Variants in ZNF425 observed in about 807,000 individuals in gnomAD.
The protein encoded by ZNF425 is zinc finger protein 425.
Under a neutral mutation model 17.0 loss-of-function variants are expected in ZNF425, and 21 were observed. The observed-to-expected ratio is 1.23, with a 90% confidence interval of 0.88 to 1.78. The LOEUF is 1.78. Among genes scored for constraint, ZNF425 ranks in the 40% most tolerant of loss-of-function variants. The pLI, the probability that ZNF425 is intolerant of heterozygous loss-of-function variation, is 0.00. For missense variants in ZNF425, 868 were observed against 967.3 expected (o/e 0.90, Z 1.36); for synonymous variants, 433 against 384.1 (o/e 1.13, Z -1.49).
intron 1 of ZNF425, chr7:149,125,860 G>A: frequency 2.1e-6 from 1 of 481,066 alleles, no homozygotes; most frequent in Non-Finnish European, 3.8e-6. Context: ...CCACACAGAT[G>A]CAGAACTCAG....
At chr7:149,117,607 TAAA>T (rs76945741) in intron 2 of ZNF425, among the ~76,000 whole-genome samples, 117,340 of 140,458 alleles carry the variant, frequency 0.84, 49,204 homozygotes, top group East Asian at 1. Flanking sequence ...ACACTTCTTT[TAAA>T]AAAAAAGGGG....
chr7:149,117,950 C>T (rs1826293599), intron 2 of ZNF425, among the ~76,000 whole-genome samples: 1 of 151,996 alleles, frequency 6.6e-6, no homozygotes, highest in African/African-American at 2.4e-5. Context: ...CCGCGCCTGG[C>T]CAGATTACTT....
At position 149,105,333 on chromosome 7, in the gene ZNF425, G is replaced by A. The variant is rs369268957; in HGVS notation, c.538C>T (p.Arg180Cys). Residue 180 changes from arginine (R) to cysteine (C), a missense_variant, in exon 4 of 4, where the codon CGC (arginine) becomes TGC (cysteine). Arg to Cys is a radical substitution (Grantham distance 180, BLOSUM62 -3). Transcript: ENST00000378061. ...LRHKPRETPG[R>C]LEIPTGPRCY... ...CTTGGCCCTGTGGGAATTTCTAAGC[G>A]CCCTGGGGTCTCCCGAGGCTTATGC... 3.1e-6 allele frequency: 5 copies of A among 1,613,928 alleles called. No individual in the cohort carries two copies. Among genetic ancestry groups the A allele is most frequent in the Non-Finnish European group, 4.2e-6 (5 of 1,179,994 alleles).
rs779872274 is a variant in ZNF425, at chr7:149,104,248, G to A, written c.1623C>T (p.Leu541=). Residue 541 remains leucine (L), a synonymous_variant, in exon 4 of 4, where the codon CTC becomes CTT. Transcript: ENST00000378061. This position sits in a 1 kb window ranked among gnomAD's most constrained non-coding sequence, Gnocchi z 4.3. ...CGRSFRRRAH[L]TEHTRLHSGE... ...CACTGTGAAGCCTCGTGTGCTCTGT[G>A]AGATGCGCGCGTCGGCGGAAACTGC... 1 of 1,613,670 alleles carries A rather than the reference G, an allele frequency of 6.2e-7. No homozygotes were observed. Among genetic ancestry groups the A allele is most frequent in the Non-Finnish European group, 8.5e-7 (1 of 1,179,864 alleles).
At chr7:149,111,080 C>T (rs576713615) in intron 3 of ZNF425, among the ~76,000 whole-genome samples, 1 of 152,104 alleles carries the variant, frequency 6.6e-6, no homozygotes, top group Non-Finnish European at 1.5e-5. Flanking sequence ...CAGGCATGAG[C>T]CATCACGCCC....
rs749434833 is a variant in ZNF425, at chr7:149,104,483, A to G, written c.1388T>C (p.Leu463Pro). 8 of 1,597,910 alleles carry G rather than the reference A, an allele frequency of 5.0e-6. No individual in the cohort carries two copies. Among genetic ancestry groups the G allele is most frequent in the Non-Finnish European group, 6.8e-6 (8 of 1,173,490 alleles). ...WRNAMRAHQR[L>P]HSEQKPFPCA... Reference sequence around the variant, plus strand: ...GGGGAAGGGCTTTTGCTCGCTGTGCAGGCGCTGGTGGGCGCGCATGGCGTT... The same window carrying G: ...GGGGAAGGGCTTTTGCTCGCTGTGCGGGCGCTGGTGGGCGCGCATGGCGTT... The change falls in exon 4 of 4, where the codon CTG becomes CCG. Residue 463 changes from leucine (L) to proline (P), a missense_variant. By Grantham distance (98) the Leu-to-Pro change is moderately conservative. Around this residue, in one of 5 missense-constraint regions of ZNF425, gnomAD observed 437 missense variants for 444.2 expected, o/e 0.98. Coordinates refer to ENST00000378061, the MANE Select transcript of ZNF425 (RefSeq NM_001001661.3). The surrounding 1 kb of genome is among the most constrained non-coding windows in gnomAD (Gnocchi z 4.3).
Position 149,126,271 on chromosome 7 carries a change from C to T in ZNF425, c.-58G>A. The T allele has an allele frequency of 6.3e-7, 1 of 1,590,602 alleles. No individual in the cohort carries two copies. Among genetic ancestry groups the T allele is most frequent in the East Asian group, 2.3e-5 (1 of 43,194 alleles). The stretch of plus-strand genomic sequence containing the variant: ...CGGCCTCCCCTCCGCTCCGCCCCAA[C>T]CCAACTCCCAGGTACAGCCCTGCTG... On this transcript the variant is annotated 5_prime_UTR_variant, in exon 1 of 4. Transcript: ENST00000378061.
Position 149,104,445 on chromosome 7 carries a change from C to T in ZNF425, c.1426G>A (p.Gly476Ser), listed in dbSNP as rs1826038224. 6.2e-7 allele frequency: 1 copy of T among 1,600,614 alleles called. No homozygotes were observed. The highest frequency in any genetic ancestry group is 8.5e-7 in the Non-Finnish European group (1 of 1,174,240). Residue 476 changes from glycine (G) to serine (S), a missense_variant, in exon 4 of 4, where the codon GGC (glycine) becomes AGC (serine). Physicochemically the swap from Gly to Ser is moderately conservative, Grantham distance 56 (BLOSUM62 0). Around this residue, in one of 5 missense-constraint regions of ZNF425, gnomAD observed 437 missense variants for 444.2 expected, o/e 0.98. Coordinates refer to ENST00000378061, the MANE Select transcript of ZNF425 (RefSeq NM_001001661.3). This position sits in a 1 kb window ranked among gnomAD's most constrained non-coding sequence, Gnocchi z 4.3. ...EQKPFPCAEC[G>S]KRFTRPSKLA... ...TTGGAAGGCCGCGTGAAGCGCTTGC[C>T]GCACTCGGCGCAGGGGAAGGGCTTT...
intron 1 of ZNF425, chr7:149,125,810 C>T (rs1195963936): frequency 2.6e-6 from 1 of 381,178 alleles, no homozygotes; most frequent in Non-Finnish European, 4.9e-6. Flanking sequence ...CCGGTTCCCC[C>T]TCCCTGGGGA....
chr7:149,108,892 G>GA lies in ZNF425; in HGVS notation c.304+3244dup, dbSNP rs770852990. Among the ~76,000 whole-genome samples, 245 of 151,600 alleles carry GA rather than the reference G, an allele frequency of 1.6e-3. 1 individual carries two copies. The highest frequency in any genetic ancestry group is 2.6e-3 in the Non-Finnish European group (174 of 67,876). On this transcript the variant is annotated intron_variant, in intron 3 of 3. Coordinates refer to ENST00000378061, the MANE Select transcript of ZNF425 (RefSeq NM_001001661.3). ...GGTGACATAGCAAGACTCTGTCTAA[G>GA]AAAAAAAATAAAAATCTTCCCAAGC...
chr7:149,117,250 C>CA (rs57437593), intron 2 of ZNF425, among the ~76,000 whole-genome samples: 78,231 of 143,416 alleles, frequency 0.55, 23,874 homozygotes, highest in East Asian at 0.9. Context: ...GACTCCGTCT[C>CA]AAAAAAAAAA....
intron 2 of ZNF425, 142 bp from the exon 3 acceptor site, chr7:149,112,437 C>A: frequency 1.5e-6 from 1 of 656,848 alleles, no homozygotes; most frequent in Non-Finnish European, 2.6e-6. Flanking sequence ...AGTTAGAGAC[C>A]AGCCTGGCCA....
chr7:149,116,366 C>A (rs896356529), intron 2 of ZNF425, among the ~76,000 whole-genome samples: 2 of 152,164 alleles, frequency 1.3e-5, no homozygotes, highest in Non-Finnish European at 2.9e-5. Flanking sequence ...TGTTAGTGAA[C>A]AAAGCCACTT....
At position 149,103,898 on chromosome 7, in the gene ZNF425, C is replaced by T. The variant is rs766220882; in HGVS notation, c.1973G>A (p.Arg658Gln). 5 of 1,614,004 alleles carry T rather than the reference C, an allele frequency of 3.1e-6. No homozygotes were observed. Among genetic ancestry groups the T allele is most frequent in the South Asian group, 1.1e-5 (1 of 91,070 alleles). The change falls in exon 4 of 4, where the codon CGA (arginine) becomes CAA (glutamine). Residue 658 changes from arginine (R) to glutamine (Q), a missense_variant. By Grantham distance (43) the Arg-to-Gln change is conservative. Coordinates refer to ENST00000378061, the MANE Select transcript of ZNF425 (RefSeq NM_001001661.3). ...GAAGGGCTTCTCCCCGCTGTGGACT[C>T]GAATGTGTTCTGTGAGCCGGTACTG... ...TQQYRLTEHI[R>Q]VHSGEKPFQC...
rs1040604607 is a variant in ZNF425 at position 149,103,430 on chromosome 7, C to T, written c.*182G>A. The T allele has an allele frequency of 2.3e-5, 16 of 699,842 alleles. No individual in the cohort carries two copies. Among genetic ancestry groups the T allele is most frequent in the Non-Finnish European group, 3.7e-5 (16 of 435,864 alleles). The allele number at this position is 699,842 out of a possible 1,614,324, so 43.4% of individuals were successfully genotyped here. On this transcript the variant is annotated 3_prime_UTR_variant, in exon 4 of 4. Coordinates refer to ENST00000378061, the MANE Select transcript of ZNF425 (RefSeq NM_001001661.3). ...ATGGAGTCTTGCAATGTTGCCTAGG[C>T]TGGTCTCAAACTTCTGGGCTCAAGC...
intron 3 of ZNF425, among the ~76,000 whole-genome samples, chr7:149,108,245 C>T (rs73725446): frequency 0.019 from 2,852 of 152,152 alleles, 85 homozygotes; most frequent in African/African-American, 0.065. Flanking sequence ...AGAGTTTCAC[C>T]ATGTTGGCAT....
chr7:149,105,003 T>G lies in ZNF425; in HGVS notation c.868A>C (p.Lys290Gln), dbSNP rs200289137. 1.8e-4 allele frequency: 289 copies of G among 1,614,044 alleles called. 2 individuals are homozygous for G. Among genetic ancestry groups the G allele is most frequent in the Non-Finnish European group, 2.6e-5 (31 of 1,180,024 alleles). The part of the protein sequence containing the change: ...DKTFRYRANL[K>Q]KHLCLHRGER... ...CCGCGGTGTAGACACAGGTGCTTCT[T>G]CAGGTTGGCCCTGTACCGGAAGGTC... The change falls in exon 4 of 4, where the codon AAG (lysine) becomes CAG (glutamine). Residue 290 changes from lysine (K) to glutamine (Q), a missense_variant. Coordinates refer to ENST00000378061, the MANE Select transcript of ZNF425 (RefSeq NM_001001661.3).
chr7:149,103,498 G>A lies in ZNF425; in HGVS notation c.*114C>T, dbSNP rs574530474. Reference sequence around the variant, plus strand: ...CTCCCAAAGTAATGGGATTACAGGCGGGAGCCACTGTGCCCGATCTTACCC... The same window carrying A: ...CTCCCAAAGTAATGGGATTACAGGCAGGAGCCACTGTGCCCGATCTTACCC... On this transcript the variant is annotated 3_prime_UTR_variant, in exon 4 of 4. Transcript: ENST00000378061. 3 of 1,338,590 alleles carry A rather than the reference G, an allele frequency of 2.2e-6. No homozygotes were observed. Among genetic ancestry groups the A allele is most frequent in the African/African-American group, 2.9e-5 (2 of 68,024 alleles). The allele number at this position is 1,338,590 out of a possible 1,614,324, so 82.9% of individuals were successfully genotyped here. A position where few individuals can be genotyped will look rare whatever the true frequency, so the allele number is the denominator to read the frequency against.
At position 149,104,814 on chromosome 7, in the gene ZNF425, T is replaced by C. The variant is rs773034917; in HGVS notation, c.1057A>G (p.Ser353Gly). Reference protein sequence around the residue: ...RGMKVHLTQHSGKRPFHCPEC... With the variant: ...RGMKVHLTQHGGKRPFHCPEC... ...GGACAGTGGAAGGGCCTCTTCCCGC[T>C]GTGCTGGGTCAGATGGACCTTCATG... The change falls in exon 4 of 4, where the codon AGC becomes GGC. Residue 353 changes from serine (S) to glycine (G), a missense_variant. Transcript: ENST00000378061. The surrounding 1 kb of genome is among the most constrained non-coding windows in gnomAD (Gnocchi z 4.3). 1.2e-6 allele frequency: 2 copies of C among 1,613,764 alleles called. No individual in the cohort carries two copies. The highest frequency in any genetic ancestry group is 2.7e-5 in the African/African-American group (2 of 74,926).
Sources: allele counts gnomAD v4.1 joint callset (sites outside exome capture counted in the v4.1 genomes callset), GRCh38; gene constraint gnomAD v4.1.1; regional missense constraint gnomAD v4.1.1; non-coding constraint Gnocchi (gnomAD v3.1); transcripts MANE v1.5; gene names NCBI Gene and HGNC (gene_info 2026-07-23, HGNC 2026-07-21).